LTBP1: variants seen among roughly 807,000 people sequenced by gnomAD.
LTBP1 encodes latent-transforming growth factor beta-binding protein 1.
A neutral mutation model predicts 207.6 loss-of-function variants in LTBP1; 129 were observed. The observed-to-expected ratio is 0.62, with a 90% CI of 0.54 to 0.72. LTBP1 has a LOEUF of 0.72. Among genes scored for constraint, LTBP1 ranks in the 30% least tolerant of loss-of-function variants. LTBP1 has a pLI of 0.00. For missense variants in LTBP1, 2,281 were observed against 2,217.2 expected, an observed-to-expected ratio of 1.03 and a Z score of -0.58; for synonymous variants, 963 against 833.7, an observed-to-expected ratio of 1.16 and a Z score of -2.67.
At chr2:33,104,756 C>T (rs2079957440) in intron 3 of LTBP1, among the ~76,000 whole-genome samples, 2 of 152,190 alleles carry the variant, frequency 1.3e-5, no homozygotes, top group Non-Finnish European at 2.9e-5. Context: ...TATTCCTAAA[C>T]TCAGAGGCTT....
intron 2 of LTBP1, among the ~76,000 whole-genome samples, chr2:32,972,702 T>A (rs1327766201): frequency 1.3e-5 from 2 of 152,198 alleles, no homozygotes. Context: ...GCTGTTCTTG[T>A]GATAGTGAGG....
At chr2:33,398,199 C>G (rs995762899) in intron 33 of LTBP1, among the ~76,000 whole-genome samples, 165 bp from the exon 34 acceptor site, 2 of 152,202 alleles carry the variant, frequency 1.3e-5, no homozygotes, top group Admixed American at 1.3e-4. Context: ...TAATCTGCCT[C>G]TTTAAGATCT....
rs1360607983 is a variant in LTBP1, at chr2:32,947,688, C to A, written c.364C>A (p.Pro122Thr). The A allele has an allele frequency of 3.3e-6, 5 of 1,504,434 alleles. No homozygotes were observed. Among genetic ancestry groups the A allele is most frequent in the Non-Finnish European group, 4.4e-6 (5 of 1,125,998 alleles). The allele number at this position is 1,504,434 out of a possible 1,614,324, so 93.2% of individuals were successfully genotyped here. A position where few individuals can be genotyped will look rare whatever the true frequency, so the allele number is the denominator to read the frequency against. Reference sequence around the variant, plus strand: ...CCCCGGCGGGCAGCTCCACCCCAATCCCGGCGGCCACCCGGCAGCCGCCCC... The same window carrying A: ...CCCCGGCGGGCAGCTCCACCCCAATACCGGCGGCCACCCGGCAGCCGCCCC... ...AVPGGQLHPN[P>T]GGHPAAAPFT... The change falls in exon 1 of 34, where the codon CCC (proline) becomes ACC (threonine). Residue 122 changes from proline (P) to threonine (T), a missense_variant. Transcript: ENST00000404816.
At chr2:33,217,052 C>G (rs1258925908) in intron 7 of LTBP1, among the ~76,000 whole-genome samples, 1 of 152,198 alleles carries the variant, frequency 6.6e-6, no homozygotes, top group East Asian at 1.9e-4. Context: ...ATTGTTTCTT[C>G]TGTCCTGTCT....
chr2:33,017,936 G>C (rs1462026949), intron 2 of LTBP1, among the ~76,000 whole-genome samples: 1 of 152,128 alleles, frequency 6.6e-6, no homozygotes, highest in East Asian at 1.9e-4. Flanking sequence ...TAGGGAATCT[G>C]TCCTCCTCCA....
At chr2:33,191,566 TA>T (rs1258705887) in intron 7 of LTBP1, among the ~76,000 whole-genome samples, 2 of 152,206 alleles carry the variant, frequency 1.3e-5, no homozygotes, top group African/African-American at 4.8e-5. Flanking sequence ...ACCAGGCATT[TA>T]AAAAATACAT....
intron 9 of LTBP1, among the ~76,000 whole-genome samples, chr2:33,231,424 G>A (rs956239245): frequency 2.0e-5 from 3 of 152,148 alleles, no homozygotes; most frequent in African/African-American, 7.2e-5. Context: ...AAGAGATAAT[G>A]TACCTGTTTT....
In LTBP1 at chr2:33,363,452, C is replaced by T. The variant is rs142698592; in HGVS notation, c.4333C>T (p.Arg1445Trp). ...ICKNGFCLNT[R>W]PGYECYCKQG... ...CAAAAATGGTTTCTGTTTGAACACT[C>T]GGCCTGGGTATGAATGCTACTGTAA... is the stretch of plus-strand genomic sequence containing the variant. The change falls in exon 29 of 34, where the codon CGG becomes TGG. Residue 1445 changes from arginine (R) to tryptophan (W), a missense_variant. Transcript: ENST00000404816. The T allele has an allele frequency of 1.6e-4, 265 of 1,613,878 alleles. No individual in the cohort carries two copies. The African/African-American group carries it at 2.5e-3, about 15-fold the overall frequency.
chr2:33,125,426 A>G (rs985899429), intron 4 of LTBP1, among the ~76,000 whole-genome samples: 1 of 152,302 alleles, frequency 6.6e-6, no homozygotes. Flanking sequence ...TGCATTTAGT[A>G]TCGTCCATAA....
rs185065152 is a variant in LTBP1, at chr2:33,276,329, T to C, written c.2992+406T>C. ...ATTCCTTTGTCTCCAATGCTTTCTT[T>C]TACATGTGTTCTGGTACTTTCTCAC... On this transcript the variant is annotated intron_variant, in intron 18 of 33. Coordinates refer to ENST00000404816, the MANE Select transcript of LTBP1 (RefSeq NM_206943.4). Among the ~76,000 whole-genome samples the C allele has an allele frequency of 8.8e-4, 134 of 152,304 alleles. 1 individual carries two copies. The Middle Eastern group carries it at 0.024, about 27-fold the overall frequency.
At chr2:33,071,056 A>G (rs17012480) in intron 3 of LTBP1, among the ~76,000 whole-genome samples, 27,739 of 152,206 alleles carry the variant, frequency 0.18, 2,703 homozygotes, top group Middle Eastern at 0.25. Context: ...TAGTGGGTTC[A>G]GCAAGTCTGG....
chr2:33,328,250 A>T (rs994309602), intron 24 of LTBP1, among the ~76,000 whole-genome samples: 2 of 152,070 alleles, frequency 1.3e-5, no homozygotes, highest in African/African-American at 4.8e-5. Context: ...CATACCTGGT[A>T]ACCAGCCCCC....
chr2:33,029,576 C>T (rs72791772), intron 3 of LTBP1, among the ~76,000 whole-genome samples: 14,753 of 152,270 alleles, frequency 0.097, 956 homozygotes, highest in Non-Finnish European at 0.14. Context: ...AATTTTCAAC[C>T]GGTACAAACC....
At chr2:33,182,100 G>T (rs1441024111) in intron 5 of LTBP1, among the ~76,000 whole-genome samples, 1 of 152,020 alleles carries the variant, frequency 6.6e-6, no homozygotes, top group Non-Finnish European at 1.5e-5. Flanking sequence ...ATTCATAAAG[G>T]GTTATAAATA....
At chr2:32,961,446 A>G (rs186821945) in intron 2 of LTBP1, among the ~76,000 whole-genome samples, 18 of 152,344 alleles carry the variant, frequency 1.2e-4, no homozygotes, top group African/African-American at 4.3e-4. Flanking sequence ...TTGATTAAAA[A>G]TTTTATTTTG....
At position 33,054,009 on chromosome 2, in the gene LTBP1, G is replaced by A. The variant is rs182602475; in HGVS notation, c.863+32803G>A. Among the ~76,000 whole-genome samples the A allele has an allele frequency of 1.1e-3, 163 of 152,318 alleles. 2 individuals are homozygous for A. Among genetic ancestry groups the A allele is most frequent in the South Asian group, 2.1e-4 (1 of 4,824 alleles). ...CAAGACCATCCACATAAGTTGGGAC[G>A]TGTGATCTGTGGGATCCTCAAAGGC... is the stretch of plus-strand genomic sequence containing the variant. On this transcript the variant is annotated intron_variant, in intron 3 of 33. Transcript: ENST00000404816.
At chr2:33,072,936 T>C (rs2077872197) in intron 3 of LTBP1, among the ~76,000 whole-genome samples, 1 of 152,244 alleles carries the variant, frequency 6.6e-6, no homozygotes, top group South Asian at 2.1e-4. Flanking sequence ...TCCTGTCATG[T>C]GTCCCGAGAG....
At chr2:33,245,764 GA>G (rs750858026) in intron 10 of LTBP1, among the ~76,000 whole-genome samples, 1 of 152,182 alleles carries the variant, frequency 6.6e-6, no homozygotes, top group Non-Finnish European at 1.5e-5. Flanking sequence ...TAAATGTAAA[GA>G]TTGTAGAGTT....
Position 33,260,542 on chromosome 2 carries a change from T to A in LTBP1, c.2418+932T>A, listed in dbSNP as rs371347022. ...ATTTTAAATAGTATTCTAAATCTTA[T>A]AATTATGGGATAGAGTAACATATAT... On this transcript the variant is annotated intron_variant, in intron 13 of 33. Transcript: ENST00000404816. 9.2e-5 allele frequency among the ~76,000 whole-genome samples: 14 copies of A among 152,310 alleles called. No homozygotes were observed. In the East Asian group the frequency reaches 1.9e-3, roughly 21 times the overall value.
Sources: gnomAD v4.1 joint callset for allele counts (sites outside exome capture counted in the v4.1 genomes callset) on GRCh38, gnomAD v4.1.1 for gene constraint, MANE v1.5 for transcripts, NCBI Gene and HGNC (gene_info 2026-07-23, HGNC 2026-07-21) for gene names.